Variants in SIPA1L1 observed in about 807,000 individuals in gnomAD.
SIPA1L1 encodes signal-induced proliferation-associated 1-like protein 1.
SIPA1L1 carries 26 observed loss-of-function variants against 162.7 expected under a neutral mutation model. The observed-to-expected ratio is 0.16, with a 90% confidence interval of 0.12 to 0.22. The LOEUF is 0.22. SIPA1L1 is among the 10% of genes least tolerant of loss of function. The pLI is 1.00. For synonymous variants in SIPA1L1, 829 were observed against 837.4 expected, an observed-to-expected ratio of 0.99 and a Z score of 0.17; for missense variants, 1,874 against 2,241.0, an observed-to-expected ratio of 0.84 and a Z score of 3.31.
At chr14:71,728,500 A>G (rs1483504520) in intron 19 of SIPA1L1, among the ~76,000 whole-genome samples, 1 of 152,270 alleles carries the variant, frequency 6.6e-6, no homozygotes, top group East Asian at 1.9e-4. Context: ...AATGTGTTTG[A>G]TTCATAATCT....
rs574814295 is a variant in SIPA1L1 at position 71,623,163 on chromosome 14, T to C, written c.1630-885T>C. Among the ~76,000 whole-genome samples, 5 of 152,326 alleles carry C rather than the reference T, an allele frequency of 3.3e-5. No homozygotes were observed. The East Asian group carries it at 9.6e-4, about 29-fold the overall frequency. On this transcript the variant is annotated intron_variant, in intron 6 of 23. Transcript: ENST00000381232. ...ATACTTTGTTGGGTATACTTGTCCT[T>C]CTGAGATTGCAGTGTGTCTTTCTGA...
intron 8 of SIPA1L1, among the ~76,000 whole-genome samples, chr14:71,655,530 T>C (rs1327162572): frequency 2.6e-5 from 4 of 152,214 alleles, no homozygotes; most frequent in Admixed American, 6.5e-5. Flanking sequence ...TTGTTAGTTC[T>C]TTGAGAAATC....
chr14:71,636,260 G>A (rs1274247781), intron 7 of SIPA1L1, among the ~76,000 whole-genome samples: 2 of 152,150 alleles, frequency 1.3e-5, no homozygotes, highest in South Asian at 2.1e-4. Context: ...CTTTTCAGTT[G>A]CACATGGAAT....
intron 17 of SIPA1L1, among the ~76,000 whole-genome samples, chr14:71,719,609 T>C (rs2083538174): frequency 6.6e-6 from 1 of 152,196 alleles, no homozygotes; most frequent in Admixed American, 6.5e-5. Flanking sequence ...TTCTCTGGGC[T>C]TAGCCTCCCA....
chr14:71,628,000 G>A (rs2040203395), intron 7 of SIPA1L1, among the ~76,000 whole-genome samples: 1 of 152,020 alleles, frequency 6.6e-6, no homozygotes, highest in Non-Finnish European at 1.5e-5. Context: ...AAACTATGCT[G>A]TAGGCTGGGT....
intron 17 of SIPA1L1, among the ~76,000 whole-genome samples, chr14:71,714,409 G>A (rs1456464125): frequency 6.6e-6 from 1 of 152,104 alleles, no homozygotes; most frequent in Non-Finnish European, 1.5e-5. Context: ...AGTTGATGTA[G>A]CAAGCCCAAA....
intron 2 of SIPA1L1, among the ~76,000 whole-genome samples, chr14:71,365,280 C>T (rs749457868): frequency 1.7e-4 from 26 of 152,112 alleles, no homozygotes; most frequent in South Asian, 6.2e-4. Flanking sequence ...TCCCAAAGTG[C>T]CCCAGCTCAT....
At chr14:71,511,689 T>C (rs2051166299) in intron 2 of SIPA1L1, among the ~76,000 whole-genome samples, 1 of 152,166 alleles carries the variant, frequency 6.6e-6, no homozygotes, top group South Asian at 2.1e-4. Context: ...TGTCTTTTTG[T>C]ATATTAATAC....
intron 2 of SIPA1L1, among the ~76,000 whole-genome samples, chr14:71,401,234 A>G (rs1321533521): frequency 9.2e-5 from 14 of 152,136 alleles, no homozygotes; most frequent in Non-Finnish European, 1.8e-4. Flanking sequence ...TTTTTCCAAG[A>G]TGATTTTGTG....
intron 2 of SIPA1L1, among the ~76,000 whole-genome samples, chr14:71,502,252 AAAAATAT>A (rs1468852865): frequency 9.0e-6 from 1 of 111,560 alleles, no homozygotes; most frequent in East Asian, 2.8e-4. Context: ...GAAAAAAAAA[AAAAATAT>A]ATATATATAT....
intron 5 of SIPA1L1, among the ~76,000 whole-genome samples, chr14:71,599,966 T>C (rs1158574024): frequency 1.3e-5 from 2 of 152,198 alleles, no homozygotes; most frequent in Non-Finnish European, 2.9e-5. Flanking sequence ...TTATTTGTTT[T>C]TTGTTTTTGT....
At chr14:71,477,595 G>A (rs552367824) in intron 2 of SIPA1L1, among the ~76,000 whole-genome samples, 8 of 152,270 alleles carry the variant, frequency 5.3e-5, no homozygotes, top group South Asian at 2.1e-4. Context: ...CCCAAAGTGC[G>A]AGGACCTAGA....
At chr14:71,573,703 C>T (rs1025570813) in intron 4 of SIPA1L1, 7 of 456,720 alleles carry the variant, frequency 1.5e-5, no homozygotes, top group African/African-American at 1.4e-4. Context: ...TCTGGCTTAC[C>T]TGCCAATGGT....
intron 7 of SIPA1L1, among the ~76,000 whole-genome samples, chr14:71,627,635 A>G (rs921524267): frequency 6.6e-6 from 1 of 152,212 alleles, no homozygotes; most frequent in African/African-American, 2.4e-5. Flanking sequence ...AAAACAAATG[A>G]AATAAATACA....
chr14:71,672,945 TG>T (rs549913256), intron 12 of SIPA1L1, among the ~76,000 whole-genome samples: 432 of 152,326 alleles, frequency 2.8e-3, no homozygotes, highest in African/African-American at 5.5e-3. Flanking sequence ...TTGAACACAT[TG>T]AACATTAAAA....
At chr14:71,500,030 T>C (rs114262466) in intron 2 of SIPA1L1, among the ~76,000 whole-genome samples, 1,654 of 152,280 alleles carry the variant, frequency 0.011, 26 homozygotes, top group African/African-American at 0.037. Flanking sequence ...ATATCTATTA[T>C]AAACATGCTA....
chr14:71,370,778 T>C (rs1320112376), intron 2 of SIPA1L1, among the ~76,000 whole-genome samples: 4 of 152,326 alleles, frequency 2.6e-5, no homozygotes, highest in African/African-American at 7.2e-5. Context: ...ACTGTGATGC[T>C]CAACAGTCGC....
At chr14:71,611,792 C>G (rs2038251278) in intron 5 of SIPA1L1, among the ~76,000 whole-genome samples, 1 of 152,098 alleles carries the variant, frequency 6.6e-6, no homozygotes, top group Non-Finnish European at 1.5e-5. Flanking sequence ...TTTTCTTTAT[C>G]CAGTCTATCA....
intron 2 of SIPA1L1, among the ~76,000 whole-genome samples, chr14:71,455,004 A>T (rs1196737714): frequency 6.6e-6 from 1 of 152,200 alleles, no homozygotes. Flanking sequence ...TTAATATTTG[A>T]CAGGGGCTGA....
Sources: allele counts gnomAD v4.1 joint callset (sites outside exome capture counted in the v4.1 genomes callset), GRCh38; gene constraint gnomAD v4.1.1; transcripts MANE v1.5; gene names NCBI Gene and HGNC (gene_info 2026-07-23, HGNC 2026-07-21).